NAB1: variants seen among roughly 807,000 people sequenced by gnomAD.
NAB1 encodes the protein NGFI-A binding protein 1.
NAB1 carries 25 observed loss-of-function variants against 49.9 expected under a neutral mutation model. That is an observed-to-expected ratio of 0.50 (90% confidence interval 0.37 to 0.70). The LOEUF (loss-of-function observed/expected upper bound fraction) is 0.70. Ranked by LOEUF, NAB1 falls within the 30% of genes least tolerant of loss-of-function variation. NAB1 has a pLI of 0.00. For synonymous variants in NAB1, 198 were observed against 215.6 expected, an observed-to-expected ratio of 0.92 and a Z score of 0.71; for missense variants, 489 against 575.9, an observed-to-expected ratio of 0.85 and a Z score of 1.54.
At position 190,657,345 on chromosome 2, in the gene NAB1, T is replaced by C. The variant is rs1386818525; in HGVS notation, c.-20+1192T>C. ...GACTGAGGTGGCATGAATGTGAAGG[T>C]TGACCTAAAGAATTACCTGGGTCAT... On this transcript the variant is annotated intron_variant, in intron 3 of 9. Transcript: ENST00000337386. The surrounding 1 kb of genome is among the most constrained non-coding windows in gnomAD (Gnocchi z 4.4). Among the ~76,000 whole-genome samples the C allele has an allele frequency of 2.6e-5, 4 of 152,166 alleles. No individual in the cohort carries two copies. The highest frequency in any genetic ancestry group is 4.4e-5 in the Non-Finnish European group (3 of 68,016).
At position 190,657,502 on chromosome 2, in the gene NAB1, A is replaced by G. The variant is rs891828924; in HGVS notation, c.-20+1349A>G. Among the ~76,000 whole-genome samples, 1 of 152,226 alleles carries G rather than the reference A, an allele frequency of 6.6e-6. No homozygotes were observed. The highest frequency in any genetic ancestry group is 1.5e-5 in the Non-Finnish European group (1 of 68,034). On this transcript the variant is annotated intron_variant, in intron 3 of 9. Coordinates refer to ENST00000337386, the MANE Select transcript of NAB1 (RefSeq NM_005966.4). This position sits in a 1 kb window ranked among gnomAD's most constrained non-coding sequence, Gnocchi z 4.4. ...GGCACCTGGGAAACTGTATTTTTCA[A>G]AAGCACCCCAGGTGATTTCCTGGGT... is the stretch of plus-strand genomic sequence containing the variant.
At position 190,685,485 on chromosome 2, in the gene NAB1, A is replaced by G; in HGVS notation, c.1105A>G (p.Lys369Glu). 1 of 1,607,978 alleles carries G rather than the reference A, an allele frequency of 6.2e-7. No homozygotes were observed. The highest frequency in any genetic ancestry group is 8.5e-7 in the Non-Finnish European group (1 of 1,178,140). Residue 369 changes from lysine (K) to glutamate (E), a missense_variant, in exon 8 of 10, where the codon AAG becomes GAG. Coordinates refer to ENST00000337386, the MANE Select transcript of NAB1 (RefSeq NM_005966.4). The surrounding 1 kb of genome is among the most constrained non-coding windows in gnomAD (Gnocchi z 4.5). ...LAALSSQQPEKVMAKQMEFLC... is the reference protein window; with the variant it reads ...LAALSSQQPEEVMAKQMEFLC... ...TTGCTTTACTTACTAGCAGCCTGAA[A>G]AGGTGATGGCAAAGCAGATGGAGTT...
chr2:190,691,366 T>C lies in NAB1; in HGVS notation c.*1033T>C, dbSNP rs1272313718. The C allele has an allele frequency of 6.6e-6, 1 of 152,262 alleles. No homozygotes were observed. The highest frequency in any genetic ancestry group is 1.5e-5 in the Non-Finnish European group (1 of 67,984). 9.4% of individuals were successfully genotyped at this position (152,262 alleles called of 1,614,324 possible). On this transcript the variant is annotated 3_prime_UTR_variant, in exon 10 of 10. Transcript: ENST00000337386. This position sits in a 1 kb window ranked among gnomAD's most constrained non-coding sequence, Gnocchi z 4.1. Reference sequence around the variant, plus strand: ...AGCCATCACAAATGTGGACAATCACTGCATCCACATCTGTAGGCATATTTC... The same window carrying C: ...AGCCATCACAAATGTGGACAATCACCGCATCCACATCTGTAGGCATATTTC...
Position 190,686,439 on chromosome 2 carries a change from A to G in NAB1, c.1259-762A>G, listed in dbSNP as rs368893300. On this transcript the variant is annotated intron_variant, in intron 8 of 9. Transcript: ENST00000337386. The surrounding 1 kb of genome is among the most constrained non-coding windows in gnomAD (Gnocchi z 5.5). ...AGAGTGGTTATTATTGTAAAAAAAT[A>G]AAAGGATTCCTAGGTAAGGATACCA... Among the ~76,000 whole-genome samples, 39 of 152,308 alleles carry G rather than the reference A, an allele frequency of 2.6e-4. No individual in the cohort carries two copies. The East Asian group carries it at 2.7e-3, about 11-fold the overall frequency.
chr2:190,688,396 G>A (rs904007347), intron 9 of NAB1, among the ~76,000 whole-genome samples: 11 of 152,144 alleles, frequency 7.2e-5, no homozygotes, highest in African/African-American at 2.4e-4. Flanking sequence ...TCTAAATAAT[G>A]TTCTGGTACT....
rs868402657 is a variant in NAB1 at position 190,689,922 on chromosome 2, C to T, written c.1376-323C>T. On this transcript the variant is annotated intron_variant, in intron 9 of 9. Coordinates refer to ENST00000337386, the MANE Select transcript of NAB1 (RefSeq NM_005966.4). The surrounding 1 kb of genome is among the most constrained non-coding windows in gnomAD (Gnocchi z 4.3). Reference sequence around the variant, plus strand: ...TATGTGCATTTCATTATTTAACTTTCGTGCCACTTTATGTAGATACTATTC... The same window carrying T: ...TATGTGCATTTCATTATTTAACTTTTGTGCCACTTTATGTAGATACTATTC... Among the ~76,000 whole-genome samples, 3 of 109,262 alleles carry T rather than the reference C, an allele frequency of 2.7e-5. No homozygotes were observed. The highest frequency in any genetic ancestry group is 1.0e-4 in the African/African-American group (3 of 29,910). The allele number at this position is 109,262 out of a possible 152,430, so 71.7% of individuals were successfully genotyped here.
At chr2:190,671,360 C>T (rs1694795088) in intron 5 of NAB1, among the ~76,000 whole-genome samples, 1 of 152,182 alleles carries the variant, frequency 6.6e-6, no homozygotes, top group South Asian at 2.1e-4. Flanking sequence ...CATTATTTTT[C>T]CTAATTCACA....
chr2:190,662,764 AT>A (rs1435427227), intron 4 of NAB1, among the ~76,000 whole-genome samples: 3 of 152,222 alleles, frequency 2.0e-5, no homozygotes, highest in African/African-American at 4.8e-5. Context: ...ATTACAGAAT[AT>A]TTGTCAGCAG....
rs1411457610 is a variant in NAB1 at position 190,670,724 on chromosome 2, C to T, written c.953+265C>T. 6.6e-6 allele frequency among the ~76,000 whole-genome samples: 1 copy of T among 152,208 alleles called. No individual in the cohort carries two copies. Among genetic ancestry groups the T allele is most frequent in the African/African-American group, 2.4e-5 (1 of 41,450 alleles). ...GTTTTAAACATTCTTCTCTCATACA[C>T]ACACTTTGGTTTTGAGTGTGACGAG... On this transcript the variant is annotated intron_variant, in intron 5 of 9. Transcript: ENST00000337386. This position sits in a 1 kb window ranked among gnomAD's most constrained non-coding sequence, Gnocchi z 5.3.
chr2:190,653,426 G>A (rs187901087), intron 2 of NAB1, among the ~76,000 whole-genome samples: 73 of 152,316 alleles, frequency 4.8e-4, no homozygotes, highest in Non-Finnish European at 7.9e-4. Flanking sequence ...GTCTGTAAGA[G>A]GTTGCTATTA....
chr2:190,656,420 T>C (rs935164993), intron 3 of NAB1, among the ~76,000 whole-genome samples: 2 of 152,174 alleles, frequency 1.3e-5, no homozygotes, highest in African/African-American at 2.4e-5. Context: ...GGAAGGAAAC[T>C]GAAACATTCT....
Position 190,678,086 on chromosome 2 carries a change from T to G in NAB1, c.1005+4934T>G, listed in dbSNP as rs1472749474. Among the ~76,000 whole-genome samples, 2 of 152,222 alleles carry G rather than the reference T, an allele frequency of 1.3e-5. No homozygotes were observed. Among genetic ancestry groups the G allele is most frequent in the East Asian group, 3.8e-4 (2 of 5,204 alleles). The stretch of plus-strand genomic sequence containing the variant: ...TATTTAAATATAAGAAATTTTCATT[T>G]GATATGCTGATTGTTTATGAGTAAA... On this transcript the variant is annotated intron_variant, in intron 6 of 9. Transcript: ENST00000337386. This position sits in a 1 kb window ranked among gnomAD's most constrained non-coding sequence, Gnocchi z 4.9.
chr2:190,665,322 CAA>C (rs35430342), intron 4 of NAB1, among the ~76,000 whole-genome samples: 9 of 130,952 alleles, frequency 6.9e-5, no homozygotes, highest in Admixed American at 7.6e-5. Context: ...GACTCCATCT[CAA>C]AAAAAAAAAA....
Position 190,654,863 on chromosome 2 carries a change from TA to T in NAB1, c.-196-1113del, listed in dbSNP as rs1693840671. ...AAAAAGCAAAAATGGAATCCAAACT[TA>T]CTTAAATCCGGGAAACTGAAAGACC... On this transcript the variant is annotated intron_variant, in intron 2 of 9. Coordinates refer to ENST00000337386, the MANE Select transcript of NAB1 (RefSeq NM_005966.4). This position sits in a 1 kb window ranked among gnomAD's most constrained non-coding sequence, Gnocchi z 5.6. 6.6e-6 allele frequency among the ~76,000 whole-genome samples: 1 copy of T among 152,130 alleles called. No individual in the cohort carries two copies. Among genetic ancestry groups the T allele is most frequent in the African/African-American group, 2.4e-5 (1 of 41,424 alleles).
rs1436045310 is a variant in NAB1 at position 190,663,359 on chromosome 2, AT to A, written c.819+3368del. Among the ~76,000 whole-genome samples the A allele has an allele frequency of 6.6e-6, 1 of 152,166 alleles. No individual in the cohort carries two copies. The highest frequency in any genetic ancestry group is 1.5e-5 in the Non-Finnish European group (1 of 68,038). On this transcript the variant is annotated intron_variant, in intron 4 of 9. Transcript: ENST00000337386. The surrounding 1 kb of genome is among the most constrained non-coding windows in gnomAD (Gnocchi z 4.2). ...GACCAACCTTGCCAAAGGTTTGCCAATTTTATTCTTTTTTAGAGATCTGCAA... is the reference window on the plus strand; with the variant it reads ...GACCAACCTTGCCAAAGGTTTGCCAATTTATTCTTTTTTAGAGATCTGCAA...
rs567441761 is a variant in NAB1, at chr2:190,651,695, A to C, written c.-197+1713A>C. Among the ~76,000 whole-genome samples, 2 of 152,326 alleles carry C rather than the reference A, an allele frequency of 1.3e-5. No homozygotes were observed. The highest frequency in any genetic ancestry group is 4.1e-4 in the South Asian group (2 of 4,830). ...ACTTAGGACTCATTTATTCCATTATAACAAGCCTGGAGCTGTTTTTTGTGA... is the reference window on the plus strand; with the variant it reads ...ACTTAGGACTCATTTATTCCATTATCACAAGCCTGGAGCTGTTTTTTGTGA... On this transcript the variant is annotated intron_variant, in intron 2 of 9. Coordinates refer to ENST00000337386, the MANE Select transcript of NAB1 (RefSeq NM_005966.4). This position sits in a 1 kb window ranked among gnomAD's most constrained non-coding sequence, Gnocchi z 4.3.
At chr2:190,671,921 G>A (rs1007288070) in intron 5 of NAB1, among the ~76,000 whole-genome samples, 4 of 151,634 alleles carry the variant, frequency 2.6e-5, no homozygotes, top group South Asian at 2.1e-4. Context: ...GACTACAGGC[G>A]TGCACCACCA....
chr2:190,662,237 A>G (rs1694262736), intron 4 of NAB1, among the ~76,000 whole-genome samples: 2 of 152,148 alleles, frequency 1.3e-5, no homozygotes, highest in South Asian at 4.1e-4. Context: ...GAAGCTATCT[A>G]TACCTGTAAG....
intron 6 of NAB1, among the ~76,000 whole-genome samples, chr2:190,673,704 T>C (rs1694934792): frequency 6.6e-6 from 1 of 152,338 alleles, no homozygotes; most frequent in South Asian, 2.1e-4. Context: ...AATGATAATT[T>C]AGTAGCTATA....
Sources: gnomAD v4.1 joint callset for allele counts (sites outside exome capture counted in the v4.1 genomes callset) on GRCh38, gnomAD v4.1.1 for gene constraint, Gnocchi (gnomAD v3.1) non-coding constraint, MANE v1.5 for transcripts, NCBI Gene and HGNC (gene_info 2026-07-23, HGNC 2026-07-21) for gene names.